Variants in SMUG1 observed in about 807,000 individuals in gnomAD.
SMUG1 encodes the protein single-strand selective monofunctional uracil DNA glycosylase.
A neutral mutation model predicts 23.9 loss-of-function variants in SMUG1; 13 were observed. The ratio of observed to expected loss-of-function variants is 0.54; its 90% CI spans 0.35 to 0.86. The LOEUF (loss-of-function observed/expected upper bound fraction) is 0.86. Among genes scored for constraint, SMUG1 ranks in the 40% least tolerant of loss-of-function variants. The pLI, the probability that SMUG1 is intolerant of heterozygous loss-of-function variation, is 0.01. For missense variants in SMUG1, 313 were observed against 339.5 expected, an observed-to-expected ratio of 0.92 and a Z score of 0.61; for synonymous variants, 133 against 139.8, an observed-to-expected ratio of 0.95 and a Z score of 0.34.
downstream of SMUG1, among the ~76,000 whole-genome samples, chr12:54,176,919 C>T (rs1280523249): frequency 6.6e-6 from 1 of 151,922 alleles, no homozygotes; most frequent in Non-Finnish European, 1.5e-5. Context: ...CAAGCACACC[C>T]TTGGTCTCCA....
At chr12:54,160,299 G>A (rs897509610), downstream of SMUG1, among the ~76,000 whole-genome samples, 1 of 152,250 alleles carries the variant, frequency 6.6e-6, no homozygotes, top group Non-Finnish European at 1.5e-5. Flanking sequence ...GCTGCAGCAG[G>A]TTCTGTGTGG....
intron 2 of SMUG1, among the ~76,000 whole-genome samples, chr12:54,186,405 C>T (rs144740500): frequency 1.3e-4 from 20 of 151,688 alleles, no homozygotes; most frequent in African/African-American, 3.9e-4. Flanking sequence ...TGCAGTGGCG[C>T]GATCTCAGCT....
At chr12:54,177,207 G>A (rs1168432557), downstream of SMUG1, among the ~76,000 whole-genome samples, 1 of 152,226 alleles carries the variant, frequency 6.6e-6, no homozygotes, top group Non-Finnish European at 1.5e-5. Flanking sequence ...AACCTTGGCT[G>A]CATATTGGTA....
chr12:54,164,361 T>G (rs975554222), downstream of SMUG1: 1 of 152,064 alleles, frequency 6.6e-6, no homozygotes, highest in Non-Finnish European at 1.5e-5. Context: ...CAGGGAGTAC[T>G]GAGGGGCAAA....
At chr12:54,183,151 C>G in intron 3 of SMUG1, 1 of 197,166 alleles carries the variant, frequency 5.1e-6, no homozygotes, top group Non-Finnish European at 1.0e-5. Flanking sequence ...CAAGCACCCC[C>G]ACTGGGGGCA....
intron 2 of SMUG1, chr12:54,172,389 T>C (rs1940644793): frequency 3.9e-6 from 1 of 254,818 alleles, no homozygotes; most frequent in African/African-American, 2.2e-5. Flanking sequence ...GAAATCTGTA[T>C]GCCACGTAGC....
downstream of SMUG1, among the ~76,000 whole-genome samples, chr12:54,176,749 G>A (rs1166207874): frequency 1.3e-5 from 2 of 151,490 alleles, no homozygotes; most frequent in African/African-American, 4.9e-5. Flanking sequence ...GGAGCTTGCA[G>A]TGAGCCGAGA....
At chr12:54,186,364 A>T (rs1358498960) in intron 2 of SMUG1, among the ~76,000 whole-genome samples, 2 of 148,656 alleles carry the variant, frequency 1.3e-5, no homozygotes, top group Non-Finnish European at 3.0e-5. Context: ...TTTTTTTGAG[A>T]CAGAATCTTG....
At chr12:54,188,870 C>T (rs1703371605) in intron 1 of SMUG1, 81 bp downstream of exon 1, 1 of 152,164 alleles carries the variant, frequency 6.6e-6, no homozygotes, top group African/African-American at 2.4e-5. Context: ...TTCTAACCAC[C>T]CTCTCGGCTC....
intron 2 of SMUG1, among the ~76,000 whole-genome samples, chr12:54,185,237 G>T (rs1942059374): frequency 1.3e-5 from 2 of 151,696 alleles, no homozygotes; most frequent in Admixed American, 6.6e-5. Context: ...CCTGAAAGGT[G>T]GAGGTTGCGG....
At position 54,183,950 on chromosome 12, in the gene SMUG1, C is replaced by A. The variant is rs141387329; in HGVS notation, c.-10G>T. Reference sequence around the variant, plus strand: ...GGAAAGCCTGGGGCATATGTCCATGCCGCTGTCACCTGGGAAAAGAGATGG... The same window carrying A: ...GGAAAGCCTGGGGCATATGTCCATGACGCTGTCACCTGGGAAAAGAGATGG... On this transcript the variant is annotated 5_prime_UTR_variant, in exon 3 of 4. Transcript: ENST00000682136. 1.6e-5 allele frequency: 25 copies of A among 1,520,324 alleles called. No homozygotes were observed. The Admixed American group carries it at 3.2e-4, about 20-fold the overall frequency. 94.2% of individuals were successfully genotyped at this position (1,520,324 alleles called of 1,614,324 possible). A position where few individuals can be genotyped will look rare whatever the true frequency, so the allele number is the denominator to read the frequency against.
downstream of SMUG1, among the ~76,000 whole-genome samples, chr12:54,163,558 C>T (rs1418562107): frequency 1.3e-5 from 2 of 152,062 alleles, no homozygotes; most frequent in Non-Finnish European, 2.9e-5. Context: ...GACCAAATGA[C>T]CTTTGGAGGA....
chr12:54,158,658 C>G (rs1592325155), intron 4 of SMUG1, among the ~76,000 whole-genome samples: 2 of 152,170 alleles, frequency 1.3e-5, no homozygotes, highest in African/African-American at 4.8e-5. Flanking sequence ...CCTGGAGCCT[C>G]CCACACTGAT....
At chr12:54,182,689 A>G (rs1941393666) in intron 3 of SMUG1, 66 bp from the exon 4 acceptor site, 5 of 1,540,346 alleles carry the variant, frequency 3.2e-6, no homozygotes, top group Non-Finnish European at 4.4e-6. Flanking sequence ...CTCTGGACCA[A>G]CTGACTTCTT....
At chr12:54,188,174 G>A (rs997912737) in intron 1 of SMUG1, among the ~76,000 whole-genome samples, 2 of 151,640 alleles carry the variant, frequency 1.3e-5, no homozygotes, top group South Asian at 2.1e-4. Flanking sequence ...ATCAAATCCG[G>A]GAAGTGAGGA....
At chr12:54,177,668 A>C (rs1940791010), downstream of SMUG1, among the ~76,000 whole-genome samples, 1 of 151,920 alleles carries the variant, frequency 6.6e-6, no homozygotes, top group Non-Finnish European at 1.5e-5. Flanking sequence ...AAAAAAAAAA[A>C]CAATGACTTT....
chr12:54,165,005 AG>A (rs1462298434), intron 4 of SMUG1: 5 of 152,146 alleles, frequency 3.3e-5, no homozygotes, highest in Admixed American at 6.5e-5. Flanking sequence ...ACAGATGACA[AG>A]CTGAGGCCTA....
chr12:54,185,602 G>A lies in SMUG1; in HGVS notation c.-19-1643C>T, dbSNP rs528491276. Among the ~76,000 whole-genome samples the A allele has an allele frequency of 6.6e-5, 10 of 152,038 alleles. 1 individual carries two copies. The South Asian group carries it at 1.5e-3, about 22-fold the overall frequency. On this transcript the variant is annotated intron_variant, in intron 2 of 3. Coordinates refer to ENST00000682136, the MANE Select transcript of SMUG1 (RefSeq NM_001243787.2). ...CTGAGGCAGGTGGATCACGAGGTCA[G>A]GAGTTCAAGATCAACCTGGCCAACA... is the stretch of plus-strand genomic sequence containing the variant.
chr12:54,182,017 CAGG>C lies in SMUG1; in HGVS notation c.*76_*78del, dbSNP rs535476502. 281 of 1,511,566 alleles carry C rather than the reference CAGG, an allele frequency of 1.9e-4. No homozygotes were observed. The African/African-American group carries it at 3.3e-3, about 18-fold the overall frequency. 93.6% of individuals were successfully genotyped at this position (1,511,566 alleles called of 1,614,324 possible). A position where few individuals can be genotyped will look rare whatever the true frequency, so the allele number is the denominator to read the frequency against. ...CACAGAAGGACCTTTTGCTCCAGTC[CAGG>C]AGATGTGTTGTCATCTGCTTGGCCA... On this transcript the variant is annotated 3_prime_UTR_variant, in exon 4 of 4. Coordinates refer to ENST00000682136, the MANE Select transcript of SMUG1 (RefSeq NM_001243787.2).
Sources: allele counts gnomAD v4.1 joint callset (sites outside exome capture counted in the v4.1 genomes callset), GRCh38; gene constraint gnomAD v4.1.1; transcripts MANE v1.5; gene names NCBI Gene and HGNC (gene_info 2026-07-23, HGNC 2026-07-21).